LCORL: variants seen among roughly 807,000 people sequenced by gnomAD.
The protein encoded by LCORL is ligand dependent nuclear receptor corepressor like, also known as ligand-dependent nuclear receptor corepressor-like protein.
In LCORL, 41 loss-of-function variants were observed where a neutral mutation model predicts 141.8. The observed-to-expected ratio is 0.29, with a 90% CI of 0.23 to 0.38. The LOEUF is 0.38. LCORL is among the 10% of genes least tolerant of loss of function. LCORL has a pLI of 1.00. For synonymous variants in LCORL, 618 were observed against 694.1 expected (o/e 0.89, Z 1.72); for missense variants, 1,759 against 2,035.0 (o/e 0.86, Z 2.61).
chr4:17,894,657 T>C (rs913504324), intron 5 of LCORL, among the ~76,000 whole-genome samples: 1 of 152,214 alleles, frequency 6.6e-6, no homozygotes, highest in Non-Finnish European at 1.5e-5. Flanking sequence ...ATTGATTGTG[T>C]TGAGATATCA....
chr4:17,930,511 T>C (rs1013463324), intron 4 of LCORL, among the ~76,000 whole-genome samples: 10 of 152,220 alleles, frequency 6.6e-5, no homozygotes, highest in Non-Finnish European at 1.5e-4. Flanking sequence ...CTAGGATATA[T>C]GTGTTCTACA....
At chr4:17,883,786 G>C (rs1198123947) in intron 6 of LCORL, 5 of 1,550,532 alleles carry the variant, frequency 3.2e-6, no homozygotes, top group Non-Finnish European at 4.4e-6. Flanking sequence ...ATAACCCAGT[G>C]TCTGGTAATC....
At chr4:17,933,182 T>A (rs969127364) in intron 4 of LCORL, among the ~76,000 whole-genome samples, 1 of 152,130 alleles carries the variant, frequency 6.6e-6, no homozygotes, top group African/African-American at 2.4e-5. Flanking sequence ...AGGTATGTAG[T>A]GAGCTATGTA....
At chr4:17,969,682 T>C (rs1014609871) in intron 2 of LCORL, among the ~76,000 whole-genome samples, 2 of 152,154 alleles carry the variant, frequency 1.3e-5, no homozygotes, top group Non-Finnish European at 1.5e-5. Flanking sequence ...ACATCAAGCA[T>C]GGGTTAAATT....
chr4:18,015,166 G>C (rs545203622), intron 1 of LCORL, among the ~76,000 whole-genome samples: 1 of 152,258 alleles, frequency 6.6e-6, no homozygotes, highest in African/African-American at 2.4e-5. Flanking sequence ...TTAAAGACCA[G>C]GGTTGAAAGT....
rs1174458023 is a variant in LCORL at position 17,948,416 on chromosome 4, A to G, written c.430+13487T>C. 4.6e-5 allele frequency among the ~76,000 whole-genome samples: 7 copies of G among 152,196 alleles called. No individual in the cohort carries two copies. In the East Asian group the frequency reaches 1.4e-3, roughly 29 times the overall value. On this transcript the variant is annotated intron_variant, in intron 4 of 7. Coordinates refer to ENST00000635767, the Ensembl canonical transcript of LCORL. ...TACTAGAAAAAAATGATGAAATAAA[A>G]GACAGTGTCTATCCTCAAAGATTTC...
At chr4:18,020,208 T>C (rs1725274796) in intron 1 of LCORL, among the ~76,000 whole-genome samples, 1 of 152,196 alleles carries the variant, frequency 6.6e-6, no homozygotes, top group South Asian at 2.1e-4. Flanking sequence ...ATACGATCTC[T>C]TCTCTACTAG....
chr4:18,016,886 A>G (rs577790026), intron 1 of LCORL, among the ~76,000 whole-genome samples: 19 of 152,262 alleles, frequency 1.2e-4, no homozygotes, highest in African/African-American at 4.3e-4. Flanking sequence ...CAAAATGGTT[A>G]CAGTGATTAT....
chr4:17,872,523 T>A (rs1726470260), intron 7 of LCORL, among the ~76,000 whole-genome samples: 1 of 152,172 alleles, frequency 6.6e-6, no homozygotes, highest in Non-Finnish European at 1.5e-5. Flanking sequence ...CTGGGCTGCA[T>A]GTGGTCCACG....
At chr4:17,894,835 T>C (rs1729645322) in intron 5 of LCORL, among the ~76,000 whole-genome samples, 1 of 152,090 alleles carries the variant, frequency 6.6e-6, no homozygotes, top group Non-Finnish European at 1.5e-5. Context: ...CTAATAATTG[T>C]TTAGATCCGT....
intron 1 of LCORL, among the ~76,000 whole-genome samples, chr4:18,019,944 A>C (rs1484242370): frequency 6.6e-6 from 1 of 152,252 alleles, no homozygotes; most frequent in African/African-American, 2.4e-5. Flanking sequence ...ATTTATATAA[A>C]GAATACCTAG....
intron 5 of LCORL, among the ~76,000 whole-genome samples, chr4:17,907,705 A>AC (rs149868777): frequency 0.034 from 5,076 of 151,110 alleles, 98 homozygotes; most frequent in African/African-American, 0.055. Context: ...AACACAGGGA[A>AC]CCCCCCCACC....
intron 1 of LCORL, among the ~76,000 whole-genome samples, chr4:18,001,918 TAGAC>T (rs1293332040): frequency 7.2e-5 from 11 of 152,186 alleles, no homozygotes; most frequent in South Asian, 2.1e-4. Context: ...TATATGGAAA[TAGAC>T]AGTCCTATAC....
intron 7 of LCORL, among the ~76,000 whole-genome samples, chr4:17,849,806 A>G (rs1225142401): frequency 1.3e-5 from 2 of 152,124 alleles, no homozygotes; most frequent in Admixed American, 1.3e-4. Context: ...GAACCAAAAA[A>G]GAGCCCACAT....
intron 4 of LCORL, among the ~76,000 whole-genome samples, chr4:17,939,996 A>G (rs891052534): frequency 6.0e-5 from 9 of 150,136 alleles, no homozygotes; most frequent in Admixed American, 2.0e-4. Flanking sequence ...ATATATGCAT[A>G]TATACACTAT....
At chr4:17,911,853 CGGGGACCTGGCCGTG>C in intron 4 of LCORL, 1 of 460,276 alleles carries the variant, frequency 2.2e-6, no homozygotes. Flanking sequence ...GCTTGAGGTC[CGGGGACCTGGCCGTG>C]GGGATGGCCG....
intron 1 of LCORL, among the ~76,000 whole-genome samples, chr4:18,004,421 CAA>C: frequency 6.6e-6 from 1 of 152,112 alleles, no homozygotes; most frequent in African/African-American, 2.4e-5. Context: ...AGGTGGCAGA[CAA>C]GAGAAAAGTG....
At chr4:17,855,500 T>C (rs1170557281) in intron 7 of LCORL, among the ~76,000 whole-genome samples, 1 of 152,230 alleles carries the variant, frequency 6.6e-6, no homozygotes, top group African/African-American at 2.4e-5. Flanking sequence ...CTTTTTTTGA[T>C]ATACTATCAA....
chr4:17,972,516 C>A (rs1291658119), intron 2 of LCORL, among the ~76,000 whole-genome samples: 1 of 151,508 alleles, frequency 6.6e-6, no homozygotes, highest in Non-Finnish European at 1.5e-5. Flanking sequence ...ATTTAATTAA[C>A]ATTTATTTAT....
Sources: allele counts gnomAD v4.1 joint callset (sites outside exome capture counted in the v4.1 genomes callset), GRCh38; gene constraint gnomAD v4.1.1; transcripts MANE v1.5; gene names NCBI Gene and HGNC (gene_info 2026-07-23, HGNC 2026-07-21).